Variants in PKIB observed in about 807,000 individuals in gnomAD.
PKIB encodes PKI-beta.
In PKIB, 2 loss-of-function variants were observed where a neutral mutation model predicts 4.5. The ratio of observed to expected loss-of-function variants is 0.44; its 90% CI spans 0.18 to 1.39. The LOEUF (loss-of-function observed/expected upper bound fraction) is 1.39, where lower values mean the gene tolerates loss of function less well. PKIB is among the 40% of genes most tolerant of loss of function. PKIB has a pLI of 0.27. For missense variants in PKIB, 94 were observed against 92.6 expected (o/e 1.02, Z -0.06); for synonymous variants, 38 against 36.0 (o/e 1.06, Z -0.20).
chr6:122,558,261 G>C (rs1433514150), intron 2 of PKIB, among the ~76,000 whole-genome samples: 1 of 152,134 alleles, frequency 6.6e-6, no homozygotes, highest in Non-Finnish European at 1.5e-5. Flanking sequence ...AGCTCTGTAA[G>C]TGGTAACAAA....
intron 1 of PKIB, among the ~76,000 whole-genome samples, chr6:122,624,045 G>A (rs546307897): frequency 6.6e-6 from 1 of 152,080 alleles, no homozygotes; most frequent in Non-Finnish European, 1.5e-5. Context: ...TACTTATAGG[G>A]AAGTCTAGAC....
At chr6:122,661,633 A>G (rs1363091242) in intron 2 of PKIB, among the ~76,000 whole-genome samples, 4 of 152,146 alleles carry the variant, frequency 2.6e-5, no homozygotes, top group Non-Finnish European at 4.4e-5. Context: ...CTTTTTGGCT[A>G]TTATGAGTAA....
chr6:122,514,604 A>G (rs577620380), intron 2 of PKIB, among the ~76,000 whole-genome samples: 37 of 152,368 alleles, frequency 2.4e-4, no homozygotes, highest in African/African-American at 8.7e-4. Flanking sequence ...TTATCAGAAT[A>G]TAAGAGGATA....
chr6:122,718,029 A>G, intron 4 of PKIB, 66 bp downstream of exon 4: 1 of 1,499,950 alleles, frequency 6.7e-7, no homozygotes, highest in Non-Finnish European at 9.0e-7. Context: ...TTTTCTCTGG[A>G]CAGTCTTTCT....
At chr6:122,669,539 G>T (rs1373558831) in intron 2 of PKIB, among the ~76,000 whole-genome samples, 2 of 151,534 alleles carry the variant, frequency 1.3e-5, no homozygotes, top group South Asian at 2.1e-4. Context: ...TCAGCTTTTG[G>T]CATTCTCTGA....
At chr6:122,570,018 T>C (rs1773312552) in intron 2 of PKIB, among the ~76,000 whole-genome samples, 1 of 152,158 alleles carries the variant, frequency 6.6e-6, no homozygotes, top group African/African-American at 2.4e-5. Context: ...CCCACAGGAA[T>C]GCAACATGGA....
At chr6:122,542,710 T>C (rs1649661190) in intron 2 of PKIB, among the ~76,000 whole-genome samples, 1 of 152,098 alleles carries the variant, frequency 6.6e-6, no homozygotes, top group Non-Finnish European at 1.5e-5. Flanking sequence ...GATCTCCAGC[T>C]ACGTGCTTGG....
intron 2 of PKIB, among the ~76,000 whole-genome samples, chr6:122,534,704 G>A (rs1338640414): frequency 6.6e-6 from 1 of 152,014 alleles, no homozygotes; most frequent in Non-Finnish European, 1.5e-5. Context: ...TGCCCTGGCT[G>A]GACTTGAGCC....
At chr6:122,638,912 A>G (rs2114842937) in intron 2 of PKIB, among the ~76,000 whole-genome samples, 1 of 152,344 alleles carries the variant, frequency 6.6e-6, no homozygotes, top group South Asian at 2.1e-4. Context: ...AGACTACAGA[A>G]TAGACCTTAG....
intron 2 of PKIB, among the ~76,000 whole-genome samples, chr6:122,582,921 C>A (rs1195511436): frequency 1.3e-5 from 2 of 151,922 alleles, no homozygotes; most frequent in Admixed American, 1.3e-4. Flanking sequence ...ATTTTGTTTT[C>A]TTTGGCTATG....
intron 3 of PKIB, among the ~76,000 whole-genome samples, chr6:122,711,755 T>G (rs1338286113): frequency 6.6e-6 from 1 of 152,156 alleles, no homozygotes; most frequent in Admixed American, 6.6e-5. Flanking sequence ...GGAAGGGTAT[T>G]CAGCTTTGTG....
At chr6:122,534,001 C>CGTAA (rs927780583) in intron 2 of PKIB, among the ~76,000 whole-genome samples, 77 of 151,958 alleles carry the variant, frequency 5.1e-4, no homozygotes, top group Admixed American at 4.9e-3. Context: ...TACCCACTTA[C>CGTAA]CTCCTCTCTC....
At chr6:122,474,604 T>C (rs574064288) in intron 1 of PKIB, among the ~76,000 whole-genome samples, 16 of 152,348 alleles carry the variant, frequency 1.1e-4, no homozygotes, top group Non-Finnish European at 1.9e-4. Flanking sequence ...TGCTCTGTGT[T>C]GTCAATTAAG....
At chr6:122,480,326 G>T (rs913214330) in intron 2 of PKIB, 3 of 152,160 alleles carry the variant, frequency 2.0e-5, no homozygotes, top group African/African-American at 7.2e-5. Flanking sequence ...ACAGGCTTGA[G>T]CCACCATGCC....
At chr6:122,659,309 A>G (rs1293364932) in intron 2 of PKIB, among the ~76,000 whole-genome samples, 1 of 152,174 alleles carries the variant, frequency 6.6e-6, no homozygotes, top group Non-Finnish European at 1.5e-5. Flanking sequence ...CTTTAGAAAG[A>G]TATTTTCAAA....
intron 2 of PKIB, among the ~76,000 whole-genome samples, chr6:122,574,716 A>G (rs1258691460): frequency 6.6e-6 from 1 of 152,130 alleles, no homozygotes; most frequent in African/African-American, 2.4e-5. Context: ...ATGAAACTAG[A>G]TCCTCATCTC....
intron 2 of PKIB, among the ~76,000 whole-genome samples, chr6:122,642,719 CA>C (rs1270248500): frequency 6.6e-6 from 1 of 152,166 alleles, no homozygotes; most frequent in Non-Finnish European, 1.5e-5. Context: ...ATGAGTGTGA[CA>C]TATCTTTAAG....
At chr6:122,639,478 T>C (rs1358406772) in intron 2 of PKIB, among the ~76,000 whole-genome samples, 1 of 152,222 alleles carries the variant, frequency 6.6e-6, no homozygotes, top group Non-Finnish European at 1.5e-5. Context: ...CCCTGTGCCC[T>C]GCACTGTTGT....
chr6:122,623,835 G>A (rs1355956773), intron 1 of PKIB, among the ~76,000 whole-genome samples: 2 of 137,230 alleles, frequency 1.5e-5, no homozygotes, highest in Non-Finnish European at 3.4e-5. Flanking sequence ...TTTTAAGAGT[G>A]ATTTTTTTTT....
Sources: allele counts gnomAD v4.1 joint callset (sites outside exome capture counted in the v4.1 genomes callset), GRCh38; gene constraint gnomAD v4.1.1; transcripts MANE v1.5; gene names NCBI Gene and HGNC (gene_info 2026-07-23, HGNC 2026-07-21).